The following DDX31 variants were observed in gnomAD, a reference collection of about 807,000 sequenced individuals.
DDX31 encodes DEAD-box helicase 31.
DDX31 carries 70 observed loss-of-function variants against 91.3 expected under a neutral mutation model. The observed-to-expected ratio is 0.77, with a 90% CI of 0.63 to 0.94. DDX31 has a LOEUF of 0.94. Ranked by LOEUF, DDX31 falls within the 40% of genes least tolerant of loss-of-function variation. DDX31 has a pLI of 0.00. For synonymous variants in DDX31, 362 were observed against 350.6 expected, an observed-to-expected ratio of 1.03 and a Z score of -0.36; for missense variants, 902 against 925.0, an observed-to-expected ratio of 0.98 and a Z score of 0.32.
intron 17 of DDX31, among the ~76,000 whole-genome samples, chr9:132,624,160 C>T (rs1832239971): frequency 8.4e-6 from 1 of 118,746 alleles, no homozygotes; most frequent in Admixed American, 9.6e-5. Flanking sequence ...GAGCGAGACT[C>T]CGTCTCAAAA....
chr9:132,623,895 G>A (rs529378526), intron 17 of DDX31, among the ~76,000 whole-genome samples: 6 of 152,092 alleles, frequency 3.9e-5, no homozygotes, highest in Non-Finnish European at 8.8e-5. Flanking sequence ...GGCCGGCTAC[G>A]GTGGCTCACA....
In DDX31 at chr9:132,595,435, C is replaced by T. The variant is rs1830393698; in HGVS notation, c.1995-323G>A. On this transcript the variant is annotated intron_variant, in intron 19 of 19. Coordinates refer to ENST00000372159, the MANE Select transcript of DDX31 (RefSeq NM_022779.9). This position sits in a 1 kb window ranked among gnomAD's most constrained non-coding sequence, Gnocchi z 4.6. Reference sequence around the variant, plus strand: ...ATGAGGTGTATGATACAGCGGTTTGCCAAAGGACAGGGAAAAACCCACCGT... The same window carrying T: ...ATGAGGTGTATGATACAGCGGTTTGTCAAAGGACAGGGAAAAACCCACCGT... Among the ~76,000 whole-genome samples the T allele has an allele frequency of 6.6e-6, 1 of 152,144 alleles. No homozygotes were observed. The highest frequency in any genetic ancestry group is 2.1e-4 in the South Asian group (1 of 4,822).
chr9:132,665,248 C>G (rs967921856), intron 1 of DDX31, among the ~76,000 whole-genome samples: 7 of 152,192 alleles, frequency 4.6e-5, no homozygotes, highest in African/African-American at 1.7e-4. Context: ...TCCCTTTCCA[C>G]CAGCTGGATA....
rs181520577 is a variant in DDX31 at position 132,646,196 on chromosome 9, A to G, written c.1204-125T>C. 5.6e-6 allele frequency: 6 copies of G among 1,068,214 alleles called. No homozygotes were observed. The East Asian group carries it at 1.6e-4, about 28-fold the overall frequency. 66.2% of individuals were successfully genotyped at this position (1,068,214 alleles called of 1,614,324 possible). A position where few individuals can be genotyped will look rare whatever the true frequency, so the allele number is the denominator to read the frequency against. ...TGGAAATAAAGGTGACTATCTTTGA[A>G]TTATTTAAAAAAACAAAAACAAAAA... On this transcript the variant is annotated intron_variant, in intron 12 of 19. Coordinates refer to ENST00000372159, the MANE Select transcript of DDX31 (RefSeq NM_022779.9).
chr9:132,662,131 T>C, intron 3 of DDX31, 130 bp downstream of exon 3: 1 of 865,714 alleles, frequency 1.2e-6, no homozygotes. Context: ...CAATCTGAGT[T>C]CATTCAGGTA....
intron 6 of DDX31, among the ~76,000 whole-genome samples, chr9:132,657,496 C>G (rs1229020168): frequency 6.6e-6 from 1 of 151,698 alleles, no homozygotes; most frequent in African/African-American, 2.4e-5. Context: ...AGAATTCTAC[C>G]TTCTCCCTCA....
At chr9:132,657,269 T>C (rs923228022) in intron 6 of DDX31, among the ~76,000 whole-genome samples, 3 of 152,248 alleles carry the variant, frequency 2.0e-5, no homozygotes, top group Admixed American at 1.3e-4. Flanking sequence ...AATTCAGGCT[T>C]ATAATTTCAG....
At chr9:132,643,475 T>C (rs1243479111) in intron 13 of DDX31, among the ~76,000 whole-genome samples, 1 of 152,224 alleles carries the variant, frequency 6.6e-6, no homozygotes. Context: ...ATTTTGTCCA[T>C]GGCTGGAAGC....
At chr9:132,607,357 T>C (rs147990368) in intron 19 of DDX31, among the ~76,000 whole-genome samples, 3 of 152,374 alleles carry the variant, frequency 2.0e-5, no homozygotes, top group Non-Finnish European at 4.4e-5. Flanking sequence ...AGAAAATTTA[T>C]ACAAATAAAA....
intron 11 of DDX31, 40 bp from the exon 12 acceptor site, chr9:132,647,098 C>T: frequency 1.3e-6 from 2 of 1,593,190 alleles, no homozygotes; most frequent in Non-Finnish European, 1.7e-6. Flanking sequence ...ACAACAAACA[C>T]ACCATGAAAC....
chr9:132,652,889 C>G (rs1404562397), intron 6 of DDX31, among the ~76,000 whole-genome samples: 1 of 152,070 alleles, frequency 6.6e-6, no homozygotes, highest in Non-Finnish European at 1.5e-5. Context: ...GATTATGAGA[C>G]CTCCCCCAGC....
chr9:132,668,893 G>A (rs1835506003), intron 1 of DDX31, among the ~76,000 whole-genome samples: 1 of 152,180 alleles, frequency 6.6e-6, no homozygotes, highest in South Asian at 2.1e-4. Flanking sequence ...ACATTCTAGA[G>A]AGGCATGAGA....
intron 17 of DDX31, among the ~76,000 whole-genome samples, chr9:132,623,947 A>T (rs1832220122): frequency 6.6e-6 from 1 of 152,094 alleles, no homozygotes; most frequent in South Asian, 2.1e-4. Flanking sequence ...CGGGTGAATC[A>T]TGGGGTCAGG....
At position 132,615,350 on chromosome 9, in the gene DDX31, C is replaced by A. The variant is rs1831569292; in HGVS notation, c.1825+2980G>T. On this transcript the variant is annotated intron_variant, in intron 18 of 19. Coordinates refer to ENST00000372159, the MANE Select transcript of DDX31 (RefSeq NM_022779.9). Reference sequence around the variant, plus strand: ...TGAAGATCATCTCTGCTCCTCCCAACCCCACCTCCACTCCCACAAGAGCAC... The same window carrying A: ...TGAAGATCATCTCTGCTCCTCCCAAACCCACCTCCACTCCCACAAGAGCAC... 2.6e-5 allele frequency among the ~76,000 whole-genome samples: 4 copies of A among 151,880 alleles called. No individual in the cohort carries two copies. The South Asian group carries it at 8.3e-4, about 32-fold the overall frequency.
chr9:132,669,331 C>A (rs1183481033), intron 1 of DDX31, among the ~76,000 whole-genome samples: 1 of 130,040 alleles, frequency 7.7e-6, no homozygotes, highest in Non-Finnish European at 1.5e-5. Flanking sequence ...AATATTTTAA[C>A]TTTCTTCTTT....
intron 1 of DDX31, among the ~76,000 whole-genome samples, chr9:132,666,020 C>G (rs1835283695): frequency 6.6e-6 from 1 of 152,232 alleles, no homozygotes; most frequent in Non-Finnish European, 1.5e-5. Flanking sequence ...GAAACTTACT[C>G]TTTCTGCTCA....
intron 17 of DDX31, among the ~76,000 whole-genome samples, chr9:132,620,723 G>A (rs1219632380): frequency 1.3e-5 from 2 of 152,150 alleles, no homozygotes; most frequent in African/African-American, 4.8e-5. Context: ...ACTGAAGACA[G>A]AGGGGGGCAG....
intron 19 of DDX31, among the ~76,000 whole-genome samples, chr9:132,604,953 C>T (rs746638231): frequency 2.6e-5 from 4 of 152,144 alleles, no homozygotes; most frequent in African/African-American, 9.7e-5. Flanking sequence ...GGCTGGACCA[C>T]GAGGGGCATG....
intron 19 of DDX31, among the ~76,000 whole-genome samples, chr9:132,603,810 C>T (rs1055759057): frequency 1.3e-5 from 2 of 152,262 alleles, no homozygotes; most frequent in African/African-American, 2.4e-5. Flanking sequence ...ACTGAAAGCA[C>T]GCCCTGTGGT....
Sources: allele counts gnomAD v4.1 joint callset (sites outside exome capture counted in the v4.1 genomes callset), GRCh38; gene constraint gnomAD v4.1.1; non-coding constraint Gnocchi (gnomAD v3.1); transcripts MANE v1.5; gene names NCBI Gene and HGNC (gene_info 2026-07-23, HGNC 2026-07-21).